Variants in TCERG1L observed in about 807,000 individuals in gnomAD.
TCERG1L encodes transcription elongation regulator 1 like.
Under a neutral mutation model 56.3 loss-of-function variants are expected in TCERG1L, and 37 were observed. The observed-to-expected ratio is 0.66, with a 90% confidence interval of 0.51 to 0.87. TCERG1L has a LOEUF of 0.87. Ranked by LOEUF, TCERG1L falls within the 40% of genes least tolerant of loss-of-function variation. TCERG1L has a pLI of 0.00. For missense variants in TCERG1L, 799 were observed against 774.2 expected (o/e 1.03, Z -0.38); for synonymous variants, 324 against 326.3 (o/e 0.99, Z 0.08).
At chr10:131,217,708 C>T (rs888086304) in intron 4 of TCERG1L, among the ~76,000 whole-genome samples, 1 of 79,044 alleles carries the variant, frequency 1.3e-5, no homozygotes, top group African/African-American at 5.3e-5. Flanking sequence ...AGTAGCTGCC[C>T]TTTTTTTTTT....
At chr10:131,175,371 T>C (rs1846137628) in intron 4 of TCERG1L, among the ~76,000 whole-genome samples, 1 of 152,188 alleles carries the variant, frequency 6.6e-6, no homozygotes, top group African/African-American at 2.4e-5. Context: ...GGGTGGCATA[T>C]CAGGGCCTAT....
chr10:131,221,978 G>A (rs1039662532), intron 4 of TCERG1L, among the ~76,000 whole-genome samples: 13 of 152,176 alleles, frequency 8.5e-5, no homozygotes, highest in East Asian at 1.9e-4. Flanking sequence ...TGTTTACTGC[G>A]GTTTGCAGAA....
At position 131,118,218 on chromosome 10, in the gene TCERG1L, C is replaced by T. The variant is rs1384186995; in HGVS notation, c.1260-1284G>A. The stretch of plus-strand genomic sequence containing the variant: ...AGAGCAGTCCGCTCACAAGCAGTGG[C>T]TTAGGGCCTCCTACATTCTGGGAGC... On this transcript the variant is annotated intron_variant, in intron 8 of 11. Coordinates refer to ENST00000368642, the MANE Select transcript of TCERG1L (RefSeq NM_174937.4). This position sits in a 1 kb window ranked among gnomAD's most constrained non-coding sequence, Gnocchi z 4.2. 6.6e-6 allele frequency among the ~76,000 whole-genome samples: 1 copy of T among 152,204 alleles called. No individual in the cohort carries two copies. The highest frequency in any genetic ancestry group is 6.5e-5 in the Admixed American group (1 of 15,292).
intron 4 of TCERG1L, among the ~76,000 whole-genome samples, chr10:131,210,336 C>T (rs1050351812): frequency 2.0e-5 from 3 of 152,166 alleles, no homozygotes; most frequent in Non-Finnish European, 2.9e-5. Flanking sequence ...ACAGTCCCCC[C>T]AACCCTCTGC....
intron 7 of TCERG1L, among the ~76,000 whole-genome samples, chr10:131,141,377 T>A (rs952142107): frequency 2.0e-5 from 3 of 151,896 alleles, no homozygotes; most frequent in African/African-American, 7.3e-5. Flanking sequence ...GGGTCCAGTG[T>A]GAGTGACCGT....
intron 4 of TCERG1L, among the ~76,000 whole-genome samples, chr10:131,192,669 G>A (rs1182526451): frequency 6.9e-6 from 1 of 144,972 alleles, no homozygotes; most frequent in East Asian, 1.9e-4. Flanking sequence ...ATACCACTCA[G>A]CCATGAAAAG....
chr10:131,286,746 TTTGAAATGCTGTC>T (rs1846548106), intron 3 of TCERG1L, among the ~76,000 whole-genome samples: 1 of 152,234 alleles, frequency 6.6e-6, no homozygotes, highest in African/African-American at 2.4e-5. Context: ...AGTAAATTTC[TTTGAAATGCTGTC>T]TTTAGGCCTC....
intron 4 of TCERG1L, among the ~76,000 whole-genome samples, chr10:131,204,819 A>C (rs184795761): frequency 9.3e-4 from 142 of 152,336 alleles, no homozygotes; most frequent in African/African-American, 3.2e-3. Context: ...GCTGGAGAGA[A>C]GAGCCCACCT....
chr10:131,177,721 G>A lies in TCERG1L; in HGVS notation c.857-10836C>T, dbSNP rs575859527. 2.7e-3 allele frequency among the ~76,000 whole-genome samples: 405 copies of A among 152,172 alleles called. 1 individual carries two copies. Among genetic ancestry groups the A allele is most frequent in the Middle Eastern group, 0.014 (4 of 294 alleles). The stretch of plus-strand genomic sequence containing the variant: ...CAGCCAAACACCCTCTTCCGAGTCC[G>A]GCACAGAGCAGCAGGCTCTGGGCAG... On this transcript the variant is annotated intron_variant, in intron 4 of 11. Transcript: ENST00000368642.
chr10:131,184,392 A>G (rs1321790291), intron 4 of TCERG1L, among the ~76,000 whole-genome samples: 3 of 152,258 alleles, frequency 2.0e-5, no homozygotes, highest in Non-Finnish European at 4.4e-5. Flanking sequence ...AAATGAGGGA[A>G]CAACTATCGC....
chr10:131,133,970 C>T (rs1175471860), intron 8 of TCERG1L, among the ~76,000 whole-genome samples: 1 of 152,142 alleles, frequency 6.6e-6, no homozygotes, highest in African/African-American at 2.4e-5. Context: ...CTGACTTTGC[C>T]CAAAGTCATC....
chr10:131,282,504 C>T lies in TCERG1L; in HGVS notation c.671-22060G>A, dbSNP rs139343386. 3.5e-3 allele frequency among the ~76,000 whole-genome samples: 530 copies of T among 152,224 alleles called. 1 individual carries two copies. The highest frequency in any genetic ancestry group is 9.5e-3 in the Admixed American group (145 of 15,290). On this transcript the variant is annotated intron_variant, in intron 3 of 11. Coordinates refer to ENST00000368642, the MANE Select transcript of TCERG1L (RefSeq NM_174937.4). ...CATAGCACCAGGAAGACAAGACCTC[C>T]CTCTCTGAAAACTTTTCACTAGAAG...
chr10:131,107,688 C>T (rs375445884), intron 9 of TCERG1L, among the ~76,000 whole-genome samples: 3 of 152,070 alleles, frequency 2.0e-5, no homozygotes, highest in South Asian at 4.1e-4. Context: ...ACTTACGATG[C>T]CCAGAGAGTA....
At chr10:131,167,237 C>T (rs1305631250) in intron 4 of TCERG1L, among the ~76,000 whole-genome samples, 1 of 152,162 alleles carries the variant, frequency 6.6e-6, no homozygotes, top group East Asian at 1.9e-4. Context: ...GGAAACAAGC[C>T]CAAAAGTGGG....
intron 4 of TCERG1L, among the ~76,000 whole-genome samples, chr10:131,214,960 G>A (rs188943506): frequency 4.1e-4 from 62 of 152,322 alleles, no homozygotes; most frequent in African/African-American, 1.4e-3. Flanking sequence ...CACCATGGCC[G>A]TGTCGGGGGC....
intron 3 of TCERG1L, among the ~76,000 whole-genome samples, chr10:131,275,988 T>C (rs1368156079): frequency 6.6e-6 from 1 of 152,156 alleles, no homozygotes; most frequent in Non-Finnish European, 1.5e-5. Flanking sequence ...CATGCCTGCC[T>C]CCACCACACA....
intron 3 of TCERG1L, among the ~76,000 whole-genome samples, chr10:131,263,453 C>T (rs193072729): frequency 2.4e-4 from 36 of 152,322 alleles, no homozygotes; most frequent in African/African-American, 8.7e-4. Flanking sequence ...GTGTTGGAAA[C>T]GTATCACAAT....
At position 131,168,522 on chromosome 10, in the gene TCERG1L, A is replaced by G. The variant is rs1846055387; in HGVS notation, c.857-1637T>C. On this transcript the variant is annotated intron_variant, in intron 4 of 11. Coordinates refer to ENST00000368642, the MANE Select transcript of TCERG1L (RefSeq NM_174937.4). ...AATTTATTTCAGGTGCGGAGCAGCA[A>G]CACTAAGGCAGCCCAGACGTGAGCC... is the stretch of plus-strand genomic sequence containing the variant. Among the ~76,000 whole-genome samples, 3 of 152,208 alleles carry G rather than the reference A, an allele frequency of 2.0e-5. 1 individual carries two copies. The highest frequency in any genetic ancestry group is 2.0e-4 in the Admixed American group (3 of 15,284).
At chr10:131,310,010 T>G (rs1195204906) in intron 1 of TCERG1L, among the ~76,000 whole-genome samples, 1 of 152,096 alleles carries the variant, frequency 6.6e-6, no homozygotes, top group Non-Finnish European at 1.5e-5. Context: ...ACATGGAACG[T>G]TTCAGTACCT....
Sources: gnomAD v4.1 joint callset for allele counts (sites outside exome capture counted in the v4.1 genomes callset) on GRCh38, gnomAD v4.1.1 for gene constraint, Gnocchi (gnomAD v3.1) non-coding constraint, MANE v1.5 for transcripts, NCBI Gene and HGNC (gene_info 2026-07-23, HGNC 2026-07-21) for gene names.